Variants in ARB2A observed in about 807,000 individuals in gnomAD.
ARB2A encodes the protein cotranscriptional regulator ARB2A.
chr5:93,842,200 G>A, the ARB2A span, among the ~76,000 whole-genome samples: 1 of 152,132 alleles, frequency 6.6e-6, no homozygotes, highest in Admixed American at 6.6e-5. Flanking sequence ...AAACTTTTTG[G>A]GGGTGATGAA....
chr5:93,914,892 T>A, the ARB2A span, among the ~76,000 whole-genome samples: 1 of 151,850 alleles, frequency 6.6e-6, no homozygotes, highest in African/African-American at 2.4e-5. Flanking sequence ...ATAATCAGGG[T>A]CATCATTACC....
At chr5:93,811,405 G>A in the ARB2A span, among the ~76,000 whole-genome samples, 2 of 151,960 alleles carry the variant, frequency 1.3e-5, no homozygotes, top group Admixed American at 6.6e-5. Flanking sequence ...ATGAAAAATC[G>A]ATTAAAATTG....
At chr5:93,861,087 A>G in the ARB2A span, 5 of 152,176 alleles carry the variant, frequency 3.3e-5, no homozygotes, top group African/African-American at 2.4e-5. Flanking sequence ...AAAAATCACT[A>G]TATCTGTTTT....
chr5:94,095,029 A>C, the ARB2A span, among the ~76,000 whole-genome samples: 1 of 152,278 alleles, frequency 6.6e-6, no homozygotes, highest in East Asian at 1.9e-4. Context: ...ATACACACAG[A>C]GTATGGCCAA....
At chr5:93,668,816 C>A in the ARB2A span, among the ~76,000 whole-genome samples, 1 of 152,014 alleles carries the variant, frequency 6.6e-6, no homozygotes, top group Non-Finnish European at 1.5e-5. Flanking sequence ...CAGTTCCCTC[C>A]TTATTGATCA....
At chr5:93,656,311 A>G in the ARB2A span, among the ~76,000 whole-genome samples, 2 of 152,214 alleles carry the variant, frequency 1.3e-5, no homozygotes, top group Admixed American at 6.6e-5. Flanking sequence ...TCCAAACATT[A>G]AAAAATGACA....
the ARB2A span, chr5:93,824,412 AC>A: frequency 2.2e-6 from 1 of 457,896 alleles, no homozygotes; most frequent in Non-Finnish European, 3.6e-6. Flanking sequence ...TAAAAGAACT[AC>A]ATTGAAAATT....
the ARB2A span, among the ~76,000 whole-genome samples, chr5:93,807,654 C>T: frequency 6.6e-6 from 1 of 151,898 alleles, no homozygotes; most frequent in Non-Finnish European, 1.5e-5. Flanking sequence ...TTTAAGAGAT[C>T]ATCTTTAAAG....
At chr5:93,657,033 C>T in the ARB2A span, among the ~76,000 whole-genome samples, 65 of 152,180 alleles carry the variant, frequency 4.3e-4, no homozygotes, top group Admixed American at 2.7e-3. Context: ...GTAAAAAGTG[C>T]GACTTCCATA....
the ARB2A span, among the ~76,000 whole-genome samples, chr5:93,704,122 T>C: frequency 6.6e-6 from 1 of 152,176 alleles, no homozygotes; most frequent in African/African-American, 2.4e-5. Context: ...GGGATGTGCA[T>C]CTGAGGGAAG....
chr5:93,690,695 T>G, the ARB2A span, among the ~76,000 whole-genome samples: 1 of 152,150 alleles, frequency 6.6e-6, no homozygotes, highest in Non-Finnish European at 1.5e-5. Flanking sequence ...GCACAGCACT[T>G]GAGCTCTGCT....
the ARB2A span, among the ~76,000 whole-genome samples, chr5:93,789,982 G>A: frequency 2.4e-4 from 37 of 152,298 alleles, no homozygotes; most frequent in African/African-American, 7.2e-4. Context: ...GTTACCTGCA[G>A]TTCACACCTC....
At chr5:93,871,199 T>C in the ARB2A span, among the ~76,000 whole-genome samples, 1 of 152,204 alleles carries the variant, frequency 6.6e-6, no homozygotes, top group Non-Finnish European at 1.5e-5. Context: ...CTTAAAGCTT[T>C]TCTGATGATA....
At chr5:93,859,327 A>G in the ARB2A span, among the ~76,000 whole-genome samples, 518 of 152,250 alleles carry the variant, frequency 3.4e-3, 4 homozygotes, top group African/African-American at 0.012. Context: ...ACGGGAAAAA[A>G]GGAAATTGGA....
chr5:93,766,977 G>A, the ARB2A span, among the ~76,000 whole-genome samples: 1 of 150,544 alleles, frequency 6.6e-6, no homozygotes, highest in Admixed American at 6.6e-5. Flanking sequence ...CTCATAGGTG[G>A]GCATTGAACA....
At chr5:94,017,848 C>A in the ARB2A span, among the ~76,000 whole-genome samples, 1 of 152,302 alleles carries the variant, frequency 6.6e-6, no homozygotes, top group South Asian at 2.1e-4. Context: ...TCAACTTGAA[C>A]TGTATGTCCC....
At chr5:93,782,626 A>G in the ARB2A span, among the ~76,000 whole-genome samples, 1 of 152,206 alleles carries the variant, frequency 6.6e-6, no homozygotes, top group Non-Finnish European at 1.5e-5. Context: ...TGTAACAACA[A>G]CAGCTATAAC....
At chr5:93,982,341 AAT>A in the ARB2A span, among the ~76,000 whole-genome samples, 2 of 152,086 alleles carry the variant, frequency 1.3e-5, no homozygotes, top group Non-Finnish European at 2.9e-5. Flanking sequence ...GATATAAATA[AAT>A]ATATATATAC....
chr5:94,075,743 T>C, the ARB2A span, among the ~76,000 whole-genome samples: 2 of 152,154 alleles, frequency 1.3e-5, no homozygotes, highest in Non-Finnish European at 2.9e-5. Flanking sequence ...TCTATTTCCA[T>C]AATCAGCAGA....
Sources: allele counts gnomAD v4.1 joint callset (sites outside exome capture counted in the v4.1 genomes callset), GRCh38; gene constraint gnomAD v4.1.1; transcripts MANE v1.5; gene names NCBI Gene and HGNC (gene_info 2026-07-23, HGNC 2026-07-21).